PTPRD: variants seen among roughly 807,000 people sequenced by gnomAD.
PTPRD encodes protein tyrosine phosphatase receptor type D.
Under a neutral mutation model 214.5 loss-of-function variants are expected in PTPRD, and 34 were observed. That is an observed-to-expected ratio of 0.16 (90% CI 0.12 to 0.21). The LOEUF (loss-of-function observed/expected upper bound fraction) is 0.21. Among genes scored for constraint, PTPRD ranks in the 10% least tolerant of loss-of-function variants. The pLI is 1.00. For synonymous variants in PTPRD, 1,128 were observed against 845.7 expected (o/e 1.33, Z -5.79); for missense variants, 2,545 against 2,398.7 (o/e 1.06, Z -1.27).
At chr9:9,738,449 T>C (rs2098339842) in intron 6 of PTPRD, among the ~76,000 whole-genome samples, 1 of 138,402 alleles carries the variant, frequency 7.2e-6, no homozygotes, top group Non-Finnish European at 1.5e-5. Flanking sequence ...CTTTTTTTTT[T>C]TTTTTTTTTT....
intron 7 of PTPRD, among the ~76,000 whole-genome samples, chr9:9,674,521 A>C (rs1333472831): frequency 1.3e-5 from 2 of 151,858 alleles, no homozygotes; most frequent in African/African-American, 4.8e-5. Flanking sequence ...AAAGACAAGA[A>C]GTGTTTAGTT....
At position 8,376,788 on chromosome 9, in the gene PTPRD, T is replaced by G. The variant is rs1363029750; in HGVS notation, c.4387-62A>C. 9.4e-6 allele frequency: 15 copies of G among 1,598,936 alleles called. No individual in the cohort carries two copies. In the Admixed American group the frequency reaches 1.9e-4, roughly 20 times the overall value. ...CATCAATTTCTCTATTAACTTTGCT[T>G]TGAGTTGCTGTTGAAGGAAAACAGC... On this transcript the variant is annotated intron_variant, in intron 37 of 45. Transcript: ENST00000381196.
At chr9:8,353,416 TTATGAATG>T (rs1454526047) in intron 39 of PTPRD, among the ~76,000 whole-genome samples, 2 of 117,324 alleles carry the variant, frequency 1.7e-5, no homozygotes, top group African/African-American at 2.5e-5. Context: ...ATTTATTTAT[TTATGAATG>T]TATGAATGAA....
rs182878746 is a variant in PTPRD at position 9,776,013 on chromosome 9, C to G, written c.-367-9162G>C. ...TTTTTATGTCACTCCCACTAAAGTT[C>G]TTAAAGAGCTTCTCATCACCTAGGT... On this transcript the variant is annotated intron_variant, in intron 5 of 45. Transcript: ENST00000381196. Among the ~76,000 whole-genome samples, 547 of 133,708 alleles carry G rather than the reference C, an allele frequency of 4.1e-3. 2 individuals are homozygous for G. Among genetic ancestry groups the G allele is most frequent in the African/African-American group, 0.014 (518 of 36,414 alleles). The allele number at this position is 133,708 out of a possible 152,430, so 87.7% of individuals were successfully genotyped here.
intron 7 of PTPRD, among the ~76,000 whole-genome samples, chr9:9,578,023 G>A (rs906215447): frequency 7.0e-5 from 8 of 114,330 alleles, no homozygotes; most frequent in African/African-American, 1.0e-4. Flanking sequence ...TCCAGCCTTG[G>A]TGACAGAGTA....
intron 8 of PTPRD, among the ~76,000 whole-genome samples, chr9:9,546,045 C>T (rs184887222): frequency 1.6e-4 from 25 of 151,640 alleles, no homozygotes; most frequent in Non-Finnish European, 3.7e-4. Context: ...TTTTGGTAGC[C>T]AATATACATG....
intron 2 of PTPRD, among the ~76,000 whole-genome samples, chr9:10,362,722 A>T (rs972387784): frequency 6.6e-6 from 1 of 152,048 alleles, no homozygotes; most frequent in African/African-American, 2.4e-5. Context: ...TCTATTAAAA[A>T]TATAAAAATT....
chr9:9,112,255 T>C (rs1480558272), intron 10 of PTPRD, among the ~76,000 whole-genome samples: 1 of 152,146 alleles, frequency 6.6e-6, no homozygotes, highest in Non-Finnish European at 1.5e-5. Context: ...GCTAATAACT[T>C]GCTCCCATCC....
At chr9:9,424,533 A>G (rs561934692) in intron 8 of PTPRD, among the ~76,000 whole-genome samples, 1 of 152,274 alleles carries the variant, frequency 6.6e-6, no homozygotes, top group African/African-American at 2.4e-5. Context: ...CAGGTTTTTG[A>G]GAATTTAGGG....
intron 10 of PTPRD, among the ~76,000 whole-genome samples, chr9:9,085,925 C>T (rs1297167312): frequency 6.6e-6 from 1 of 152,160 alleles, no homozygotes. Flanking sequence ...CTAAGCTGCT[C>T]ACTTTTTAGC....
At chr9:8,799,113 TTATC>T (rs1321565439) in intron 11 of PTPRD, among the ~76,000 whole-genome samples, 5 of 152,190 alleles carry the variant, frequency 3.3e-5, no homozygotes, top group African/African-American at 1.2e-4. Flanking sequence ...ATAATACTCT[TTATC>T]TACATGTCAG....
chr9:10,489,922 T>A lies in PTPRD; in HGVS notation c.-600+122476A>T, dbSNP rs186300357. 1.6e-3 allele frequency among the ~76,000 whole-genome samples: 243 copies of A among 152,318 alleles called. 2 individuals are homozygous for A. Among genetic ancestry groups the A allele is most frequent in the African/African-American group, 5.7e-3 (235 of 41,572 alleles). ...ACTCCAGACTATTTTGCTTACCTCTTCAGTGCCTCTTTCAGCAATATAAAG... is the reference window on the plus strand; with the variant it reads ...ACTCCAGACTATTTTGCTTACCTCTACAGTGCCTCTTTCAGCAATATAAAG... On this transcript the variant is annotated intron_variant, in intron 2 of 45. Transcript: ENST00000381196.
rs376385884 is a variant in PTPRD, at chr9:10,511,989, C to A, written c.-600+100409G>T. On this transcript the variant is annotated intron_variant, in intron 2 of 45. Transcript: ENST00000381196. ...ATACGTGTGTGTGTATATATATATA[C>A]GTGTGTGTATATATATATATACGTG... Among the ~76,000 whole-genome samples, 119 of 100,272 alleles carry A rather than the reference C, an allele frequency of 1.2e-3. 4 individuals carry two copies. The highest frequency in any genetic ancestry group is 5.2e-3 in the African/African-American group (114 of 21,840). 65.8% of individuals were successfully genotyped at this position (100,272 alleles called of 152,430 possible). A position where few individuals can be genotyped will look rare whatever the true frequency, so the allele number is the denominator to read the frequency against.
chr9:8,980,444 T>C (rs765641739), intron 11 of PTPRD, among the ~76,000 whole-genome samples: 52 of 152,126 alleles, frequency 3.4e-4, no homozygotes, highest in Non-Finnish European at 6.2e-4. Flanking sequence ...TGCTTCACTA[T>C]AGTAACATTT....
chr9:8,563,988 T>C (rs769639843), intron 14 of PTPRD, among the ~76,000 whole-genome samples: 32 of 152,170 alleles, frequency 2.1e-4, no homozygotes, highest in Non-Finnish European at 8.8e-5. Flanking sequence ...TTTCAAACTT[T>C]AGACGGTGCG....
intron 11 of PTPRD, among the ~76,000 whole-genome samples, chr9:8,751,510 C>T (rs753009794): frequency 7.9e-5 from 12 of 152,088 alleles, no homozygotes; most frequent in Admixed American, 1.3e-4. Context: ...AGCAGTGATA[C>T]TAATACCCAA....
At chr9:10,207,449 C>G (rs1399937664) in intron 3 of PTPRD, among the ~76,000 whole-genome samples, 5 of 152,114 alleles carry the variant, frequency 3.3e-5, no homozygotes, top group Admixed American at 2.6e-4. Context: ...ATAAAAATAA[C>G]TAGAAAGGGT....
At chr9:8,559,635 G>C (rs1222997480) in intron 14 of PTPRD, among the ~76,000 whole-genome samples, 1 of 152,134 alleles carries the variant, frequency 6.6e-6, no homozygotes, top group African/African-American at 2.4e-5. Context: ...GAACCATGCT[G>C]GCAACAGTCC....
intron 4 of PTPRD, among the ~76,000 whole-genome samples, chr9:9,995,002 A>G (rs1405143052): frequency 6.6e-6 from 1 of 152,136 alleles, no homozygotes; most frequent in Non-Finnish European, 1.5e-5. Context: ...AGGTACATTT[A>G]CATATATAAG....
Sources: allele counts gnomAD v4.1 joint callset (sites outside exome capture counted in the v4.1 genomes callset), GRCh38; gene constraint gnomAD v4.1.1; transcripts MANE v1.5; gene names NCBI Gene and HGNC (gene_info 2026-07-23, HGNC 2026-07-21).